Variants in PCDH11X observed in about 807,000 individuals in gnomAD.
PCDH11X encodes protocadherin 11 X-linked, also known as protocadherin-11 X-linked.
Under a neutral mutation model 53.3 loss-of-function variants are expected in PCDH11X, and 18 were observed. The observed-to-expected ratio is 0.34, with a 90% CI of 0.23 to 0.50. PCDH11X has a LOEUF of 0.50. Among genes scored for constraint, PCDH11X ranks in the 20% least tolerant of loss-of-function variants. The pLI is 0.98. For missense variants in PCDH11X, 570 were observed against 1,032.4 expected (o/e 0.55, Z 6.14); for synonymous variants, 279 against 393.3 (o/e 0.71, Z 3.44).
At chrX:92,401,783 G>C (rs1340559305) in intron 9 of PCDH11X, among the ~76,000 whole-genome samples, 1 of 112,223 alleles carries the variant, frequency 8.9e-6, no homozygotes, top group African/African-American at 3.2e-5. Flanking sequence ...AAACATGAGG[G>C]TTCTGGAAGC....
chrX:92,113,518 G>A (rs35770037), intron 6 of PCDH11X: 14 of 1,198,268 alleles, frequency 1.2e-5, no homozygotes, highest in South Asian at 5.3e-5. Flanking sequence ...AAACTCCCTC[G>A]TGATCACGTC....
chrX:92,316,899 C>G (rs2069088659), intron 8 of PCDH11X, among the ~76,000 whole-genome samples: 1 of 110,331 alleles, frequency 9.1e-6, no homozygotes, highest in Non-Finnish European at 1.9e-5. Context: ...AGAACCAATG[C>G]ATGATAGACA....
intron 6 of PCDH11X, among the ~76,000 whole-genome samples, chrX:91,943,561 T>A (rs1203677985): frequency 9.3e-6 from 1 of 107,470 alleles, no homozygotes; most frequent in African/African-American, 3.4e-5. Context: ...TTATAAAAAT[T>A]CTTAGTAACA....
At chrX:91,995,848 T>G (rs2062407615) in intron 6 of PCDH11X, among the ~76,000 whole-genome samples, 1 of 104,439 alleles carries the variant, frequency 9.6e-6, no homozygotes, top group African/African-American at 3.5e-5. Context: ...ATTATCTTCT[T>G]TTTGTTTTTT....
intron 8 of PCDH11X, among the ~76,000 whole-genome samples, chrX:92,349,585 C>G (rs2069991179): frequency 9.6e-6 from 1 of 104,508 alleles, no homozygotes; most frequent in African/African-American, 3.6e-5. Context: ...CATTTGTCCC[C>G]TCCCCTTTCC....
chrX:92,566,124 G>A (rs1326764467), intron 10 of PCDH11X, among the ~76,000 whole-genome samples: 1 of 109,108 alleles, frequency 9.2e-6, no homozygotes, highest in Admixed American at 9.9e-5. Flanking sequence ...GCTTTTTGTG[G>A]TGGTTGCTGT....
At chrX:92,090,675 A>T (rs1479388937) in intron 6 of PCDH11X, among the ~76,000 whole-genome samples, 2 of 110,668 alleles carry the variant, frequency 1.8e-5, no homozygotes, top group East Asian at 2.9e-4. Flanking sequence ...CAGGCTAGAG[A>T]ACCCTTAAGT....
At chrX:92,179,867 T>C (rs1452404893) in intron 6 of PCDH11X, among the ~76,000 whole-genome samples, 1 of 111,872 alleles carries the variant, frequency 8.9e-6, no homozygotes, top group Non-Finnish European at 1.9e-5. Context: ...TCTCTCTATG[T>C]TACCATATTC....
At chrX:92,382,234 T>C (rs911232157) in intron 8 of PCDH11X, among the ~76,000 whole-genome samples, 3 of 111,758 alleles carry the variant, frequency 2.7e-5, no homozygotes, top group East Asian at 2.8e-4. Flanking sequence ...TGGTAATCCT[T>C]AGAAAGTAAT....
At chrX:92,279,893 T>C (rs953230806) in intron 8 of PCDH11X, among the ~76,000 whole-genome samples, 7 of 112,365 alleles carry the variant, frequency 6.2e-5, no homozygotes, top group Non-Finnish European at 1.3e-4. Context: ...TGTACAGTCA[T>C]GTGCCACATA....
At chrX:92,617,969 G>GAATGATGCATGT (rs1928162309) in intron 10 of PCDH11X, among the ~76,000 whole-genome samples, 1 of 110,956 alleles carries the variant, frequency 9.0e-6, no homozygotes, top group African/African-American at 3.3e-5. Flanking sequence ...TGCATGTATA[G>GAATGATGCATGT]ATGAATGATC....
At chrX:92,488,352 G>A (rs920344748) in intron 10 of PCDH11X, among the ~76,000 whole-genome samples, 5 of 111,366 alleles carry the variant, frequency 4.5e-5, no homozygotes, top group African/African-American at 1.6e-4. Context: ...TTGTTCACCT[G>A]TGTTTCTGTA....
chrX:91,836,395 A>G (rs985883396), intron 5 of PCDH11X, among the ~76,000 whole-genome samples: 9 of 106,385 alleles, frequency 8.5e-5, no homozygotes, highest in Non-Finnish European at 1.5e-4. Flanking sequence ...CAAATCATTA[A>G]GAATGAATCC....
intron 10 of PCDH11X, among the ~76,000 whole-genome samples, chrX:92,540,430 C>G (rs1358224642): frequency 9.3e-6 from 1 of 107,010 alleles, no homozygotes; most frequent in East Asian, 2.9e-4. Context: ...TGAATGTTGC[C>G]AGAACTATGA....
intron 8 of PCDH11X, among the ~76,000 whole-genome samples, chrX:92,274,593 C>T (rs112315861): frequency 9.0e-6 from 1 of 111,056 alleles, no homozygotes; most frequent in South Asian, 3.8e-4. Context: ...TTTGCCAGTC[C>T]TGGGTGGGAG....
At chrX:92,498,239 A>G (rs1030604775) in intron 10 of PCDH11X, among the ~76,000 whole-genome samples, 6 of 110,844 alleles carry the variant, frequency 5.4e-5, no homozygotes, top group African/African-American at 1.6e-4. Context: ...TCCTTAAAAG[A>G]GGTAGTTTTG....
intron 7 of PCDH11X, among the ~76,000 whole-genome samples, chrX:92,247,628 G>T (rs2067376096): frequency 9.0e-6 from 1 of 111,646 alleles, no homozygotes; most frequent in South Asian, 3.8e-4. Flanking sequence ...GGTTGCACTG[G>T]CTGTCCTTGG....
intron 8 of PCDH11X, among the ~76,000 whole-genome samples, chrX:92,271,421 TTTA>T (rs2067955282): frequency 9.0e-6 from 1 of 111,190 alleles, no homozygotes; most frequent in Non-Finnish European, 1.9e-5. Flanking sequence ...GACGAAGGGG[TTTA>T]GTGAAAATGA....
chrX:92,370,268 A>G (rs2070583951), intron 8 of PCDH11X, among the ~76,000 whole-genome samples: 1 of 108,743 alleles, frequency 9.2e-6, no homozygotes, highest in Non-Finnish European at 1.9e-5. Context: ...TGATTGCAAA[A>G]GATATTTTGT....
Sources: gnomAD v4.1 joint callset for allele counts (sites outside exome capture counted in the v4.1 genomes callset) on GRCh38, gnomAD v4.1.1 for gene constraint, MANE v1.5 for transcripts, NCBI Gene and HGNC (gene_info 2026-07-23, HGNC 2026-07-21) for gene names.